MYO5B: variants seen among roughly 807,000 people sequenced by gnomAD.
The protein encoded by MYO5B is unconventional myosin-Vb.
MYO5B carries 143 observed loss-of-function variants against 229.3 expected under a neutral mutation model. That is an observed-to-expected ratio of 0.62 (90% CI 0.54 to 0.72). The LOEUF (loss-of-function observed/expected upper bound fraction) is 0.72. Among genes scored for constraint, MYO5B ranks in the 30% least tolerant of loss-of-function variants. The pLI is 0.00. For missense variants in MYO5B, 2,321 were observed against 2,331.0 expected (o/e 1.00, Z 0.09); for synonymous variants, 918 against 885.2 (o/e 1.04, Z -0.66).
intron 25 of MYO5B, 96 bp from the exon 26 acceptor site, chr18:49,875,923 G>A (rs2024517257): frequency 4.0e-5 from 55 of 1,390,376 alleles, no homozygotes; most frequent in Non-Finnish European, 5.3e-5. Flanking sequence ...TCAGCCATCT[G>A]TCTCCTCTCT....
At chr18:50,005,184 T>C (rs1411020358) in intron 4 of MYO5B, among the ~76,000 whole-genome samples, 3 of 152,238 alleles carry the variant, frequency 2.0e-5, no homozygotes, top group Non-Finnish European at 4.4e-5. Context: ...TCAAATCAAG[T>C]CTAAGCTTTT....
At chr18:49,978,502 C>G (rs2025778007) in intron 9 of MYO5B, among the ~76,000 whole-genome samples, 1 of 151,962 alleles carries the variant, frequency 6.6e-6, no homozygotes, top group South Asian at 2.1e-4. Context: ...TCAGAATTGC[C>G]CATCCACTCT....
At chr18:49,945,958 A>C (rs937995120) in intron 14 of MYO5B, among the ~76,000 whole-genome samples, 1 of 152,216 alleles carries the variant, frequency 6.6e-6, no homozygotes, top group African/African-American at 2.4e-5. Flanking sequence ...TGGCAAAGCA[A>C]AACACTGGCT....
intron 1 of MYO5B, among the ~76,000 whole-genome samples, chr18:50,089,722 A>C (rs2031406146): frequency 6.6e-6 from 1 of 152,220 alleles, no homozygotes; most frequent in Non-Finnish European, 1.5e-5. Flanking sequence ...GCTGCTCTGC[A>C]AACACAAACG....
At chr18:50,162,049 T>TC in intron 1 of MYO5B, among the ~76,000 whole-genome samples, 1 of 152,360 alleles carries the variant, frequency 6.6e-6, no homozygotes, top group South Asian at 2.1e-4. Context: ...CAACAGCCAC[T>TC]CCCTCAGTAG....
intron 4 of MYO5B, among the ~76,000 whole-genome samples, chr18:50,032,173 G>A (rs1271725075): frequency 1.3e-5 from 2 of 152,162 alleles, no homozygotes; most frequent in African/African-American, 4.8e-5. Context: ...TCCTGGCCAT[G>A]TCTTTTTGTT....
chr18:50,038,551 A>G (rs1484217115), intron 3 of MYO5B, among the ~76,000 whole-genome samples: 2 of 152,232 alleles, frequency 1.3e-5, no homozygotes. Context: ...TTAGAGTTCT[A>G]TAAGATTCTA....
intron 5 of MYO5B, among the ~76,000 whole-genome samples, chr18:49,999,065 TGTG>T (rs1283482754): frequency 6.6e-6 from 1 of 152,258 alleles, no homozygotes; most frequent in African/African-American, 2.4e-5. Context: ...TGTTTACTAA[TGTG>T]GTGATCTGCC....
chr18:49,845,298 A>G (rs555767587), intron 33 of MYO5B, among the ~76,000 whole-genome samples: 3 of 152,338 alleles, frequency 2.0e-5, no homozygotes, highest in African/African-American at 7.2e-5. Flanking sequence ...GCTTTTTAAA[A>G]GAGCAAAATA....
At chr18:49,863,892 G>A (rs1021813069) in intron 28 of MYO5B, among the ~76,000 whole-genome samples, 6 of 152,162 alleles carry the variant, frequency 3.9e-5, no homozygotes, top group South Asian at 4.1e-4. Flanking sequence ...AGGCCACCCT[G>A]AGGTTACCTA....
chr18:49,922,805 T>C (rs2025088802), intron 17 of MYO5B, among the ~76,000 whole-genome samples: 2 of 152,170 alleles, frequency 1.3e-5, no homozygotes, highest in African/African-American at 2.4e-5. Context: ...AATACACATG[T>C]AAGTATCTGC....
chr18:49,932,075 C>T (rs2025199546), intron 16 of MYO5B, among the ~76,000 whole-genome samples: 1 of 152,182 alleles, frequency 6.6e-6, no homozygotes, highest in South Asian at 2.1e-4. Flanking sequence ...CCAGGACCTC[C>T]TACTGTTTCC....
chr18:50,055,497 C>T lies in MYO5B; in HGVS notation c.28-119G>A, dbSNP rs558952973. On this transcript the variant is annotated intron_variant, in intron 1 of 39. Transcript: ENST00000285039. ...CTTCTAAAGCTATCTGCACACATCT[C>T]CCCACCTTCTCATTTCAGGACACAA... 1.3e-4 allele frequency: 101 copies of T among 758,610 alleles called. 1 individual carries two copies. The African/African-American group carries it at 1.3e-3, about 10-fold the overall frequency. The allele number at this position is 758,610 out of a possible 1,614,324, so 47.0% of individuals were successfully genotyped here.
intron 21 of MYO5B, among the ~76,000 whole-genome samples, chr18:49,897,553 G>A (rs1338138372): frequency 6.6e-6 from 1 of 152,114 alleles, no homozygotes; most frequent in Non-Finnish European, 1.5e-5. Context: ...CATGAAGAAT[G>A]GGATACCCCA....
chr18:49,918,988 C>T lies in MYO5B; in HGVS notation c.2091-6815G>A, dbSNP rs569125171. Among the ~76,000 whole-genome samples, 15 of 152,300 alleles carry T rather than the reference C, an allele frequency of 9.8e-5. No individual in the cohort carries two copies. The South Asian group carries it at 2.9e-3, about 29-fold the overall frequency. On this transcript the variant is annotated intron_variant, in intron 17 of 39. Coordinates refer to ENST00000285039, the MANE Select transcript of MYO5B (RefSeq NM_001080467.3). ...AACCTGTGGACATGCGGTATGGTGG[C>T]TCTACCCTTTTCTATCTGGAGGACT...
chr18:50,043,274 A>G (rs2030077067), intron 2 of MYO5B, among the ~76,000 whole-genome samples: 1 of 99,530 alleles, frequency 1.0e-5, no homozygotes, highest in Non-Finnish European at 2.0e-5. Flanking sequence ...ATTTATAAAT[A>G]TATTTATATT....
intron 27 of MYO5B, among the ~76,000 whole-genome samples, chr18:49,869,665 C>T (rs976267392): frequency 1.3e-5 from 2 of 152,108 alleles, no homozygotes; most frequent in African/African-American, 4.8e-5. Context: ...GGAGTTTTTG[C>T]GCTGATTTTA....
chr18:50,132,238 G>A (rs574814782), intron 1 of MYO5B, among the ~76,000 whole-genome samples: 1 of 152,192 alleles, frequency 6.6e-6, no homozygotes, highest in Non-Finnish European at 1.5e-5. Flanking sequence ...GGAAATTTAA[G>A]AACATTTGGG....
chr18:50,147,347 C>G (rs943236788), intron 1 of MYO5B, among the ~76,000 whole-genome samples: 15 of 152,284 alleles, frequency 9.9e-5, no homozygotes, highest in South Asian at 2.1e-4. Flanking sequence ...GCAGGTTTCT[C>G]CTCTAATCCC....
Sources: allele counts gnomAD v4.1 joint callset (sites outside exome capture counted in the v4.1 genomes callset), GRCh38; gene constraint gnomAD v4.1.1; transcripts MANE v1.5; gene names NCBI Gene and HGNC (gene_info 2026-07-23, HGNC 2026-07-21).